Variants in FGFR4 observed in about 807,000 individuals in gnomAD.
The protein encoded by FGFR4 is hydroxyaryl-protein kinase.
Under a neutral mutation model 89.9 loss-of-function variants are expected in FGFR4, and 63 were observed. That is an observed-to-expected ratio of 0.70 (90% confidence interval 0.57 to 0.86). The LOEUF is 0.86. Ranked by LOEUF, FGFR4 falls within the 40% of genes least tolerant of loss-of-function variation. FGFR4 has a pLI of 0.00. For synonymous variants in FGFR4, 486 were observed against 479.4 expected (o/e 1.01, Z -0.18); for missense variants, 928 against 1,106.7 (o/e 0.84, Z 2.29).
intron 17 of FGFR4, 43 bp from the exon 18 acceptor site, chr5:177,097,484 C>T (rs781167369): frequency 2.2e-5 from 36 of 1,604,728 alleles, no homozygotes; most frequent in Non-Finnish European, 2.6e-5. Flanking sequence ...CGCCCCGTCC[C>T]ATCCCGGGCG....
In FGFR4 at chr5:177,097,659, TCTGGGGTG is replaced by T. The variant is rs770793212; in HGVS notation, c.2394_2401del (p.Gly799AspfsTer12). Reference sequence around the variant, plus strand: ...GGGATCCAGCTCCTTCCCCTTCGGGTCTGGGGTGCAGACATGAGCAAGGCTCAAGGCTG... The same window carrying T: ...GGGATCCAGCTCCTTCCCCTTCGGGTCAGACATGAGCAAGGCTCAAGGCTG... On this transcript the variant is annotated frameshift_variant, in exon 18 of 18. Transcript: ENST00000292408. LOFTEE classifies it high-confidence loss of function. 107 of 1,613,972 alleles carry T rather than the reference TCTGGGGTG, an allele frequency of 6.6e-5. No individual in the cohort carries two copies. Among genetic ancestry groups the T allele is most frequent in the Admixed American group, 2.0e-4 (12 of 60,004 alleles).
Position 177,093,359 on chromosome 5 carries a change from G to T in FGFR4, c.1251+28G>T. The T allele has an allele frequency of 2.5e-6, 4 of 1,613,882 alleles. No homozygotes were observed. The highest frequency in any genetic ancestry group is 3.4e-6 in the Non-Finnish European group (4 of 1,179,876). ...ACTGGGCGCATCCCCCACCTCACAT[G>T]TGACAGCCTGACTCCAGCAGGCAGA... is the stretch of plus-strand genomic sequence containing the variant. On this transcript the variant is annotated intron_variant, in intron 9 of 17. Coordinates refer to ENST00000292408, the MANE Select transcript of FGFR4 (RefSeq NM_213647.3). This position sits in a 1 kb window ranked among gnomAD's most constrained non-coding sequence, Gnocchi z 5.8.
chr5:177,091,503 AG>A (rs1370112974), intron 5 of FGFR4, among the ~76,000 whole-genome samples, 181 bp from the exon 6 acceptor site: 9 of 152,228 alleles, frequency 5.9e-5, no homozygotes, highest in Non-Finnish European at 1.2e-4. Context: ...CTCAAACCCA[AG>A]GCTCAAGCGC....
rs1397366326 is a variant in FGFR4, at chr5:177,093,156, C to A, written c.1076C>A (p.Thr359Asn). ...TVLPEEDPTW[T>N]AAAPEARYTD... ...AGGGCAGAGGAGGACCCCACATGGA[C>A]CGCAGCAGCGCCCGAGGCCAGGTAT... Residue 359 changes from threonine to asparagine, a missense_variant, in exon 9 of 18, where the codon ACC becomes AAC. Physicochemically the swap from Thr to Asn is moderately conservative, Grantham distance 65 (BLOSUM62 0). This residue lies in a region of FGFR4 where 741 missense variants were observed against 836.9 expected (regional missense o/e 0.89). Transcript: ENST00000292408. This position sits in a 1 kb window ranked among gnomAD's most constrained non-coding sequence, Gnocchi z 5.8. 6.2e-7 allele frequency: 1 copy of A among 1,614,094 alleles called. No homozygotes were observed.
rs369266328 is a variant in FGFR4, at chr5:177,095,695, G to A, written c.1793G>A (p.Arg598Gln). 6.5e-5 allele frequency: 104 copies of A among 1,608,334 alleles called. No individual in the cohort carries two copies. Among genetic ancestry groups the A allele is most frequent in the Non-Finnish European group, 8.1e-5 (95 of 1,178,640 alleles). Residue 598 changes from arginine to glutamine, a missense_variant, in exon 13 of 18, where the codon CGA becomes CAA. Around this residue, in one of 5 missense-constraint regions of FGFR4, gnomAD observed 741 missense variants for 836.9 expected, o/e 0.89. Coordinates refer to ENST00000292408, the MANE Select transcript of FGFR4 (RefSeq NM_213647.3). The surrounding 1 kb of genome is among the most constrained non-coding windows in gnomAD (Gnocchi z 5.7). ...GTCTCCTGCGCCTACCAGGTGGCCC[G>A]AGGCATGCAGTATCTGGAGTCCCGG... ...VLVSCAYQVA[R>Q]GMQYLESRKC...
chr5:177,095,725 T>C lies in FGFR4; in HGVS notation c.1821+2T>C, dbSNP rs149533473. 6.3e-7 allele frequency: 1 copy of C among 1,595,682 alleles called. No homozygotes were observed. Among genetic ancestry groups the C allele is most frequent in the Non-Finnish European group, 8.5e-7 (1 of 1,172,948 alleles). ...ATGCAGTATCTGGAGTCCCGGAAGGTACAGGCGCTAGGGCTCTGAGCCCCT... is the reference window on the plus strand; with the variant it reads ...ATGCAGTATCTGGAGTCCCGGAAGGCACAGGCGCTAGGGCTCTGAGCCCCT... On this transcript the variant is annotated splice_donor_variant, in intron 13 of 17. Transcript: ENST00000292408. LOFTEE classifies it high-confidence loss of function. The surrounding 1 kb of genome is among the most constrained non-coding windows in gnomAD (Gnocchi z 5.7).
At position 177,097,931 on chromosome 5, in the gene FGFR4, A is replaced by G; in HGVS notation, c.*255A>G. 2.3e-6 allele frequency: 1 copy of G among 433,370 alleles called. No individual in the cohort carries two copies. Among genetic ancestry groups the G allele is most frequent in the Non-Finnish European group, 4.1e-6 (1 of 243,164 alleles). The allele number at this position is 433,370 out of a possible 1,614,324, so 26.8% of individuals were successfully genotyped here. On this transcript the variant is annotated 3_prime_UTR_variant, in exon 18 of 18. Coordinates refer to ENST00000292408, the MANE Select transcript of FGFR4 (RefSeq NM_213647.3). ...CGGGTTTGGCTGAGCCTGGCTGGAG[A>G]GCTGCTATGCTAAACCTCCTGCCTC... is the stretch of plus-strand genomic sequence containing the variant.
intron 1 of FGFR4, among the ~76,000 whole-genome samples, chr5:177,088,738 T>C (rs1363840699): frequency 6.6e-6 from 1 of 152,178 alleles, no homozygotes; most frequent in Non-Finnish European, 1.5e-5. Context: ...CAGAGGTGAC[T>C]GGCTAAGGGC....
In FGFR4 at chr5:177,091,184, A is replaced by G. The variant is rs186636834; in HGVS notation, c.603+80A>G. On this transcript the variant is annotated intron_variant, in intron 5 of 17. Transcript: ENST00000292408. ...TCCCCTCATACCTACAAGCATACCT[A>G]TAAATCAATCGAATGAGTGAAGCGA... is the stretch of plus-strand genomic sequence containing the variant. 200 of 1,452,872 alleles carry G rather than the reference A, an allele frequency of 1.4e-4. No individual in the cohort carries two copies. The Middle Eastern group carries it at 1.5e-3, about 11-fold the overall frequency. The allele number at this position is 1,452,872 out of a possible 1,614,324, so 90.0% of individuals were successfully genotyped here. A position where few individuals can be genotyped will look rare whatever the true frequency, so the allele number is the denominator to read the frequency against.
rs555814475 is a variant in FGFR4, at chr5:177,087,659, C to T, written c.-54+582C>T. 6 of 984,760 alleles carry T rather than the reference C, an allele frequency of 6.1e-6. No individual in the cohort carries two copies. In the Admixed American group the frequency reaches 3.1e-4, roughly 50 times the overall value. 61.0% of individuals were successfully genotyped at this position (984,760 alleles called of 1,614,324 possible). A position where few individuals can be genotyped will look rare whatever the true frequency, so the allele number is the denominator to read the frequency against. On this transcript the variant is annotated intron_variant, in intron 1 of 17. Coordinates refer to ENST00000292408, the MANE Select transcript of FGFR4 (RefSeq NM_213647.3). This position sits in a 1 kb window ranked among gnomAD's most constrained non-coding sequence, Gnocchi z 6.1. ...GGGTAGGAATAAACTCCCCGGGCCTCCCCACCCACTCCCAGCCCAAGCTGT... is the reference window on the plus strand; with the variant it reads ...GGGTAGGAATAAACTCCCCGGGCCTTCCCACCCACTCCCAGCCCAAGCTGT...
rs1161501622 is a variant in FGFR4, at chr5:177,087,686, T to C, written c.-54+609T>C. 1.0e-6 allele frequency: 1 copy of C among 973,554 alleles called. No individual in the cohort carries two copies. The highest frequency in any genetic ancestry group is 1.2e-6 in the Non-Finnish European group (1 of 819,300). The allele number at this position is 973,554 out of a possible 1,614,324, so 60.3% of individuals were successfully genotyped here. ...CCACCCACTCCCAGCCCAAGCTGTGTACCCAAAGAGCTGCCCTCCCTGCCA... is the reference window on the plus strand; with the variant it reads ...CCACCCACTCCCAGCCCAAGCTGTGCACCCAAAGAGCTGCCCTCCCTGCCA... On this transcript the variant is annotated intron_variant, in intron 1 of 17. Coordinates refer to ENST00000292408, the MANE Select transcript of FGFR4 (RefSeq NM_213647.3). This position sits in a 1 kb window ranked among gnomAD's most constrained non-coding sequence, Gnocchi z 6.1.
At position 177,092,524 on chromosome 5, in the gene FGFR4, C is replaced by T. The variant is rs752102806; in HGVS notation, c.918+13C>T. 1 of 1,567,174 alleles carries T rather than the reference C, an allele frequency of 6.4e-7. No homozygotes were observed. The highest frequency in any genetic ancestry group is 8.7e-7 in the Non-Finnish European group (1 of 1,152,378). On this transcript the variant is annotated intron_variant, in intron 7 of 17. Coordinates refer to ENST00000292408, the MANE Select transcript of FGFR4 (RefSeq NM_213647.3). ...GCAAGTCCTAAAGGTAAAAGGTGCA[C>T]CCTGCTGCAGCCTGGGCCCCATTCT...
In FGFR4 at chr5:177,093,078, G is replaced by C. The variant is rs781645241; in HGVS notation, c.1058-60G>C. 1.3e-6 allele frequency: 2 copies of C among 1,596,486 alleles called. No individual in the cohort carries two copies. Among genetic ancestry groups the C allele is most frequent in the Non-Finnish European group, 1.7e-6 (2 of 1,164,688 alleles). The stretch of plus-strand genomic sequence containing the variant: ...GGAGGGACTGAGTTAGGGTGCACGG[G>C]GCGGCCAGTCTCACCACTGACCAGT... On this transcript the variant is annotated intron_variant, in intron 8 of 17. Transcript: ENST00000292408. The surrounding 1 kb of genome is among the most constrained non-coding windows in gnomAD (Gnocchi z 5.8).
At position 177,095,937 on chromosome 5, in the gene FGFR4, C is replaced by A. The variant is rs995077388; in HGVS notation, c.1822-120C>A. The A allele has an allele frequency of 1.4e-5, 20 of 1,419,350 alleles. No homozygotes were observed. Among genetic ancestry groups the A allele is most frequent in the Non-Finnish European group, 1.8e-5 (19 of 1,067,578 alleles). The allele number at this position is 1,419,350 out of a possible 1,614,324, so 87.9% of individuals were successfully genotyped here. The stretch of plus-strand genomic sequence containing the variant: ...GGAGAAGGCACTCCCCGTTTCTAAA[C>A]CTTGACCTCCTCCTCTGTAAAGTGG... On this transcript the variant is annotated intron_variant, in intron 13 of 17. Transcript: ENST00000292408. The surrounding 1 kb of genome is among the most constrained non-coding windows in gnomAD (Gnocchi z 5.7).
At chr5:177,088,062 G>A (rs1784213530) in intron 1 of FGFR4, among the ~76,000 whole-genome samples, 1 of 151,382 alleles carries the variant, frequency 6.6e-6, no homozygotes, top group Non-Finnish European at 1.5e-5. Flanking sequence ...TTTTTATTTT[G>A]TTTTTTTTGA....
chr5:177,091,941 G>A (rs1784382198), intron 6 of FGFR4, 133 bp downstream of exon 6: 3 of 1,187,026 alleles, frequency 2.5e-6, no homozygotes, highest in Non-Finnish European at 3.6e-6. Flanking sequence ...TGGGTCAGGG[G>A]AAAGCACAGG....
At position 177,097,593 on chromosome 5, in the gene FGFR4, T is replaced by C. The variant is rs753872428; in HGVS notation, c.2326T>C (p.Ser776Pro). The stretch of plus-strand genomic sequence containing the variant: ...TGGTGGGGACGCCAGCAGCACCTGC[T>C]CCTCCAGCGATTCTGTCTTCAGCCA... Reference protein sequence around the residue: ...PSGGDASSTCSSSDSVFSHDP... With the variant: ...PSGGDASSTCPSSDSVFSHDP... The change falls in exon 18 of 18, where the codon TCC becomes CCC. Residue 776 changes from serine (S) to proline (P), a missense_variant. Physicochemically the swap from Ser to Pro is moderately conservative, Grantham distance 74 (BLOSUM62 -1). Around this residue, in one of 5 missense-constraint regions of FGFR4, gnomAD observed 129 missense variants for 150.8 expected, o/e 0.86. Coordinates refer to ENST00000292408, the MANE Select transcript of FGFR4 (RefSeq NM_213647.3). The C allele has an allele frequency of 1.2e-6, 2 of 1,614,120 alleles. No individual in the cohort carries two copies. Among genetic ancestry groups the C allele is most frequent in the Middle Eastern group, 1.6e-4 (1 of 6,062 alleles).
chr5:177,096,437 T>G, intron 15 of FGFR4, 80 bp downstream of exon 15: 4 of 1,572,814 alleles, frequency 2.5e-6, no homozygotes, highest in Non-Finnish European at 3.5e-6. Context: ...CCAGGAGTCA[T>G]GCGCTCGAGG....
chr5:177,094,762 A>G (rs1784490236), intron 11 of FGFR4: 1 of 161,240 alleles, frequency 6.2e-6, no homozygotes, highest in Admixed American at 5.7e-5. Context: ...GGGATTGAGA[A>G]ATGCACATTG....
Sources: gnomAD v4.1 joint callset for allele counts (sites outside exome capture counted in the v4.1 genomes callset) on GRCh38, gnomAD v4.1.1 for gene constraint, gnomAD v4.1.1 regional missense constraint, Gnocchi (gnomAD v3.1) non-coding constraint, MANE v1.5 for transcripts, NCBI Gene and HGNC (gene_info 2026-07-23, HGNC 2026-07-21) for gene names.